Variants in CACNA1C observed in about 807,000 individuals in gnomAD.
CACNA1C encodes calcium voltage-gated channel subunit alpha1 C.
CACNA1C carries 30 observed loss-of-function variants against 229.0 expected under a neutral mutation model. The observed-to-expected ratio is 0.13, with a 90% CI of 0.10 to 0.18. The LOEUF (loss-of-function observed/expected upper bound fraction) is 0.18. Ranked by LOEUF, CACNA1C falls within the 10% of genes least tolerant of loss-of-function variation. The pLI is 1.00. For missense variants in CACNA1C, 1,658 were observed against 2,845.0 expected, an observed-to-expected ratio of 0.58 and a Z score of 9.49; for synonymous variants, 1,114 against 1,132.5, an observed-to-expected ratio of 0.98 and a Z score of 0.33.
chr12:2,475,192 G>A (rs994526174), intron 5 of CACNA1C, among the ~76,000 whole-genome samples: 5 of 151,956 alleles, frequency 3.3e-5, no homozygotes, highest in African/African-American at 9.7e-5. Context: ...CCAGCTACTC[G>A]GGAGGCTGAG....
intron 3 of CACNA1C, among the ~76,000 whole-genome samples, chr12:2,197,079 C>T (rs2097428257): frequency 6.6e-6 from 1 of 152,192 alleles, no homozygotes; most frequent in Non-Finnish European, 1.5e-5. Flanking sequence ...CCACGAGGTA[C>T]AGGCTGGCCC....
At chr12:2,198,551 A>G (rs1257558126) in intron 3 of CACNA1C, among the ~76,000 whole-genome samples, 8 of 152,210 alleles carry the variant, frequency 5.3e-5, no homozygotes. Flanking sequence ...AATTGTGAGG[A>G]CTTCGATTTT....
At chr12:2,302,251 G>C (rs990263943) in intron 3 of CACNA1C, among the ~76,000 whole-genome samples, 2 of 151,860 alleles carry the variant, frequency 1.3e-5, no homozygotes, top group Admixed American at 1.3e-4. Context: ...TGGGACTTTC[G>C]GATGGAGGAT....
At chr12:2,600,292 C>T (rs1004660643) in intron 21 of CACNA1C, among the ~76,000 whole-genome samples, 59 of 152,180 alleles carry the variant, frequency 3.9e-4, no homozygotes, top group African/African-American at 1.4e-3. Context: ...GTAATCTACC[C>T]ACTTCTAAAA....
chr12:2,629,815 C>G (rs2089461285), intron 29 of CACNA1C, among the ~76,000 whole-genome samples: 2 of 152,194 alleles, frequency 1.3e-5, no homozygotes, highest in Non-Finnish European at 2.9e-5. Flanking sequence ...AGCAGTTGTT[C>G]CTTCCCAGCA....
At chr12:2,253,740 C>A (rs1218579232) in intron 3 of CACNA1C, among the ~76,000 whole-genome samples, 1 of 152,194 alleles carries the variant, frequency 6.6e-6, no homozygotes, top group Admixed American at 6.5e-5. Context: ...CCACTGGTAA[C>A]CTACATTGTT....
intron 3 of CACNA1C, among the ~76,000 whole-genome samples, chr12:2,371,935 G>A (rs1236307092): frequency 6.6e-6 from 1 of 152,108 alleles, no homozygotes; most frequent in Non-Finnish European, 1.5e-5. Context: ...CCTCTTAGAT[G>A]TTCCTAGATG....
At chr12:1,988,457 G>A (rs2038426047) in intron 1 of CACNA1C, among the ~76,000 whole-genome samples, 1 of 152,176 alleles carries the variant, frequency 6.6e-6, no homozygotes, top group African/African-American at 2.4e-5. Flanking sequence ...TTACCATTCT[G>A]CAGGGTGGGT....
At chr12:2,427,968 T>C (rs2099048956) in intron 3 of CACNA1C, among the ~76,000 whole-genome samples, 1 of 152,238 alleles carries the variant, frequency 6.6e-6, no homozygotes, top group African/African-American at 2.4e-5. Flanking sequence ...GGAATGTTTA[T>C]ACTGTATTAG....
intron 13 of CACNA1C, among the ~76,000 whole-genome samples, chr12:2,568,768 G>A (rs1330887600): frequency 6.6e-6 from 1 of 152,118 alleles, no homozygotes; most frequent in African/African-American, 2.4e-5. Flanking sequence ...GCTGGAGGGA[G>A]GGGGCAGTGG....
At chr12:2,395,603 G>A (rs1400909486) in intron 3 of CACNA1C, among the ~76,000 whole-genome samples, 2 of 152,092 alleles carry the variant, frequency 1.3e-5, no homozygotes, top group African/African-American at 4.8e-5. Flanking sequence ...AAGCAAGTCG[G>A]GTCCCTCTGA....
chr12:2,571,778 C>T (rs138239124), intron 13 of CACNA1C, among the ~76,000 whole-genome samples: 30 of 152,298 alleles, frequency 2.0e-4, no homozygotes, highest in African/African-American at 7.0e-4. Context: ...TTTCGGAAAG[C>T]AACAAAGAGA....
At chr12:2,434,179 G>C (rs1008405199) in intron 3 of CACNA1C, among the ~76,000 whole-genome samples, 1 of 152,058 alleles carries the variant, frequency 6.6e-6, no homozygotes, top group Non-Finnish European at 1.5e-5. Context: ...ATAACTATCT[G>C]TATAGGTTGT....
intron 3 of CACNA1C, among the ~76,000 whole-genome samples, chr12:2,436,186 A>G (rs17801205): frequency 0.021 from 3,193 of 152,316 alleles, 54 homozygotes; most frequent in Non-Finnish European, 0.033. Context: ...GGGAATCCTT[A>G]TAAGTTCTTG....
chr12:2,233,236 A>C (rs2065997643), intron 3 of CACNA1C, among the ~76,000 whole-genome samples: 1 of 152,282 alleles, frequency 6.6e-6, no homozygotes, highest in Non-Finnish European at 1.5e-5. Context: ...AGTGATCTTT[A>C]AGTTCTGTTG....
In CACNA1C at chr12:2,611,861, T is replaced by A. The variant is rs185998420; in HGVS notation, c.3718-42T>A. ...CAAAAGGTGGGGAGGAGGAGCGACC[T>A]CCCTGCCCCGTGTTCACAGCTCCTC... is the stretch of plus-strand genomic sequence containing the variant. On this transcript the variant is annotated intron_variant, in intron 28 of 46. Transcript: ENST00000399655. 11 of 1,295,200 alleles carry A rather than the reference T, an allele frequency of 8.5e-6. No homozygotes were observed. The East Asian group carries it at 2.3e-4, about 27-fold the overall frequency. 80.2% of individuals were successfully genotyped at this position (1,295,200 alleles called of 1,614,324 possible).
intron 3 of CACNA1C, among the ~76,000 whole-genome samples, chr12:2,324,188 C>T (rs905191866): frequency 6.6e-6 from 1 of 152,198 alleles, no homozygotes; most frequent in African/African-American, 2.4e-5. Flanking sequence ...CCACTCTAGC[C>T]TCAGTTTCCC....
intron 3 of CACNA1C, among the ~76,000 whole-genome samples, chr12:2,165,167 G>A (rs910132868): frequency 6.6e-6 from 1 of 152,186 alleles, no homozygotes; most frequent in South Asian, 2.1e-4. Context: ...TAGGTTTCTG[G>A]TGAGTGATTC....
intron 3 of CACNA1C, among the ~76,000 whole-genome samples, chr12:2,209,047 C>T (rs555028885): frequency 5.3e-4 from 81 of 152,310 alleles, no homozygotes; most frequent in African/African-American, 1.7e-3. Flanking sequence ...CCAGCTCTCC[C>T]GGCCAGCAGC....
Sources: gnomAD v4.1 joint callset for allele counts (sites outside exome capture counted in the v4.1 genomes callset) on GRCh38, gnomAD v4.1.1 for gene constraint, MANE v1.5 for transcripts, NCBI Gene and HGNC (gene_info 2026-07-23, HGNC 2026-07-21) for gene names.